EPB41L1: variants seen among roughly 807,000 people sequenced by gnomAD.
EPB41L1 encodes band 4.1-like protein 1.
In EPB41L1, 29 loss-of-function variants were observed where a neutral mutation model predicts 97.8. The ratio of observed to expected loss-of-function variants is 0.30; its 90% CI spans 0.22 to 0.40. The LOEUF is 0.40. Ranked by LOEUF, EPB41L1 falls within the 10% of genes least tolerant of loss-of-function variation. EPB41L1 has a pLI of 1.00. For missense variants in EPB41L1, 812 were observed against 1,162.3 expected, an observed-to-expected ratio of 0.70 and a Z score of 4.38; for synonymous variants, 383 against 459.2, an observed-to-expected ratio of 0.83 and a Z score of 2.12.
At chr20:36,129,953 T>G (rs2059130735) in intron 2 of EPB41L1, among the ~76,000 whole-genome samples, 1 of 150,164 alleles carries the variant, frequency 6.7e-6, no homozygotes, top group African/African-American at 2.4e-5. Context: ...TTTTGTTTTT[T>G]TTTTTTGAGA....
chr20:36,229,193 A>C, intron 21 of EPB41L1, 139 bp from the exon 22 acceptor site: 1 of 715,966 alleles, frequency 1.4e-6, no homozygotes, highest in Non-Finnish European at 2.5e-6. Context: ...AATAAAGGGC[A>C]TATGGTAAAG....
intron 14 of EPB41L1, among the ~76,000 whole-genome samples, chr20:36,199,838 A>G (rs1289433478): frequency 6.6e-6 from 1 of 152,036 alleles, no homozygotes; most frequent in Non-Finnish European, 1.5e-5. Flanking sequence ...TCTCCAGAAG[A>G]GAAGGGGAGG....
chr20:36,214,529 C>T, intron 17 of EPB41L1, 89 bp downstream of exon 17: 1 of 1,126,728 alleles, frequency 8.9e-7, no homozygotes, highest in Non-Finnish European at 1.3e-6. Context: ...CTGGCTGCTT[C>T]AGGAAGTTGT....
intron 1 of EPB41L1, among the ~76,000 whole-genome samples, chr20:36,163,143 T>A (rs889258165): frequency 2.0e-5 from 3 of 152,076 alleles, no homozygotes; most frequent in African/African-American, 7.2e-5. Flanking sequence ...TTTTTTTTTT[T>A]TCTTGTAATT....
intron 2 of EPB41L1, among the ~76,000 whole-genome samples, chr20:36,119,576 G>A (rs1324241965): frequency 6.7e-6 from 1 of 149,190 alleles, no homozygotes; most frequent in Non-Finnish European, 1.5e-5. Context: ...CAGCCTGGGT[G>A]ACAGAGCAAG....
At chr20:36,145,929 C>T (rs992310102) in intron 2 of EPB41L1, among the ~76,000 whole-genome samples, 4 of 152,276 alleles carry the variant, frequency 2.6e-5, no homozygotes, top group East Asian at 1.9e-4. Flanking sequence ...TCATATGCAG[C>T]GTTTCCTGAT....
At chr20:36,194,816 G>A (rs1236798166) in intron 12 of EPB41L1, among the ~76,000 whole-genome samples, 1 of 152,072 alleles carries the variant, frequency 6.6e-6, no homozygotes, top group Non-Finnish European at 1.5e-5. Flanking sequence ...GTATCTGTGT[G>A]TACACGCTCA....
rs557135537 is a variant in EPB41L1, at chr20:36,190,851, G to A, written c.1300+54G>A. 3.1e-5 allele frequency: 49 copies of A among 1,601,416 alleles called. 1 individual carries two copies. In the South Asian group the frequency reaches 5.3e-4, roughly 17 times the overall value. ...GGAATGGTCTTCAGAGGGAACTGGGGGAGTGGGCATGCTGGGTTCTGCAGA... is the reference window on the plus strand; with the variant it reads ...GGAATGGTCTTCAGAGGGAACTGGGAGAGTGGGCATGCTGGGTTCTGCAGA... On this transcript the variant is annotated intron_variant, in intron 11 of 21. Transcript: ENST00000338074. This position sits in a 1 kb window ranked among gnomAD's most constrained non-coding sequence, Gnocchi z 5.8.
intron 1 of EPB41L1, among the ~76,000 whole-genome samples, chr20:36,111,715 A>G (rs1478275338): frequency 2.0e-5 from 3 of 147,338 alleles, no homozygotes; most frequent in Non-Finnish European, 4.5e-5. Context: ...TGAACCTGGG[A>G]TGCGGAGGTT....
chr20:36,147,279 C>T (rs1401211205), intron 2 of EPB41L1, among the ~76,000 whole-genome samples: 2 of 152,060 alleles, frequency 1.3e-5, no homozygotes, highest in African/African-American at 4.8e-5. Context: ...GGGACAAAAA[C>T]ATTAAAAAAA....
At chr20:36,141,967 G>A (rs991571500) in intron 2 of EPB41L1, among the ~76,000 whole-genome samples, 2 of 127,084 alleles carry the variant, frequency 1.6e-5, no homozygotes, top group African/African-American at 8.2e-5. Context: ...AATTAACCAG[G>A]CGTGGTGGCG....
At chr20:36,176,956 G>C (rs1237429956) in intron 3 of EPB41L1, among the ~76,000 whole-genome samples, 1 of 152,160 alleles carries the variant, frequency 6.6e-6, no homozygotes, top group Non-Finnish European at 1.5e-5. Flanking sequence ...TCTATAGAAA[G>C]ATTTCACCTT....
At chr20:36,137,787 G>A (rs1424701422) in intron 2 of EPB41L1, among the ~76,000 whole-genome samples, 2 of 152,184 alleles carry the variant, frequency 1.3e-5, no homozygotes, top group Non-Finnish European at 2.9e-5. Flanking sequence ...GCCTCCCAAA[G>A]TGCTGGGATT....
At position 36,207,341 on chromosome 20, in the gene EPB41L1, T is replaced by C. The variant is rs1275706534; in HGVS notation, c.1669-2147T>C. 7 of 1,287,286 alleles carry C rather than the reference T, an allele frequency of 5.4e-6. No individual in the cohort carries two copies. The South Asian group carries it at 8.7e-5, about 16-fold the overall frequency. 79.7% of individuals were successfully genotyped at this position (1,287,286 alleles called of 1,614,324 possible). A position where few individuals can be genotyped will look rare whatever the true frequency, so the allele number is the denominator to read the frequency against. ...GTCCCTGAAGAAGCTGAGGGGCGCA[T>C]ACCTCTGGGGTTTGGGTTCCCTTCA... On this transcript the variant is annotated intron_variant, in intron 14 of 21. Transcript: ENST00000338074. The surrounding 1 kb of genome is among the most constrained non-coding windows in gnomAD (Gnocchi z 4.9).
At chr20:36,096,235 T>C (rs1487134982) in intron 1 of EPB41L1, among the ~76,000 whole-genome samples, 1 of 152,152 alleles carries the variant, frequency 6.6e-6, no homozygotes, top group Non-Finnish European at 1.5e-5. Flanking sequence ...CTCACACAGG[T>C]GCCTGAAATA....
chr20:36,141,634 G>A (rs939252237), intron 2 of EPB41L1, among the ~76,000 whole-genome samples: 5 of 152,080 alleles, frequency 3.3e-5, no homozygotes, highest in African/African-American at 9.7e-5. Flanking sequence ...GAGAGGTGAA[G>A]GTAACAGACC....
rs1399782766 is a variant in EPB41L1, at chr20:36,175,733, G to GC, written c.342+20dup. 2 of 1,613,542 alleles carry GC rather than the reference G, an allele frequency of 1.2e-6. No homozygotes were observed. The highest frequency in any genetic ancestry group is 2.7e-5 in the African/African-American group (2 of 74,886). ...AGGTGGAGGTAGGGGAGCACTGAGT[G>GC]CCATATGTCCCGTCCCCGGTCAGCC... On this transcript the variant is annotated intron_variant, in intron 3 of 21. Coordinates refer to ENST00000338074, the MANE Select transcript of EPB41L1 (RefSeq NM_012156.2).
At position 36,185,584 on chromosome 20, in the gene EPB41L1, C is replaced by T. The variant is rs1451713764; in HGVS notation, c.785+249C>T. ...CTCTATAGGTGTGATAATTCCCTGT[C>T]CTTGGCCTCTGAGAATAAGTTTATC... On this transcript the variant is annotated intron_variant, in intron 7 of 21. Coordinates refer to ENST00000338074, the MANE Select transcript of EPB41L1 (RefSeq NM_012156.2). Among the ~76,000 whole-genome samples the T allele has an allele frequency of 2.0e-5, 3 of 152,214 alleles. No homozygotes were observed. The East Asian group carries it at 5.8e-4, about 29-fold the overall frequency.
intron 2 of EPB41L1, among the ~76,000 whole-genome samples, chr20:36,126,163 T>C (rs945804840): frequency 6.6e-6 from 1 of 152,090 alleles, no homozygotes; most frequent in African/African-American, 2.4e-5. Context: ...CTAAAATCTC[T>C]GAATGATGAC....
Sources: allele counts gnomAD v4.1 joint callset (sites outside exome capture counted in the v4.1 genomes callset), GRCh38; gene constraint gnomAD v4.1.1; non-coding constraint Gnocchi (gnomAD v3.1); transcripts MANE v1.5; gene names NCBI Gene and HGNC (gene_info 2026-07-23, HGNC 2026-07-21).